SPRR2G: variants seen among roughly 807,000 people sequenced by gnomAD.
SPRR2G encodes small proline-rich protein 2G.
In SPRR2G, 1 loss-of-function variant was observed where a neutral mutation model predicts 0.7. The ratio of observed to expected loss-of-function variants is 1.49; its 90% CI spans 0.53 to 7.06. SPRR2G has a LOEUF of 7.06. Ranked by LOEUF, SPRR2G falls within the 30% of genes most tolerant of loss-of-function variation. SPRR2G has a pLI of 0.14. For missense variants in SPRR2G, 96 were observed against 88.5 expected (o/e 1.09, Z -0.34); for synonymous variants, 38 against 33.9 (o/e 1.12, Z -0.42).
the SPRR2G span, among the ~76,000 whole-genome samples, chr1:153,192,233 G>GC: frequency 6.6e-6 from 1 of 152,202 alleles, no homozygotes; most frequent in Non-Finnish European, 1.5e-5. Flanking sequence ...AGAAGGCAGA[G>GC]CAGAGGATGT....
At chr1:153,195,371 A>T in the SPRR2G span, among the ~76,000 whole-genome samples, 1 of 152,174 alleles carries the variant, frequency 6.6e-6, no homozygotes, top group Non-Finnish European at 1.5e-5. Context: ...CAAGGATTGG[A>T]CACGTGGGCC....
the SPRR2G span, among the ~76,000 whole-genome samples, chr1:153,163,878 C>T: frequency 3.3e-5 from 5 of 152,170 alleles, no homozygotes; most frequent in Non-Finnish European, 2.9e-5. Flanking sequence ...AACCTTGCTG[C>T]TCTTCTGGAG....
chr1:153,170,665 A>G, the SPRR2G span, among the ~76,000 whole-genome samples: 1,591 of 152,332 alleles, frequency 0.01, 32 homozygotes, highest in African/African-American at 0.036. Flanking sequence ...CATGGCTTCA[A>G]AAGAAAATAC....
At chr1:153,200,234 G>A in the SPRR2G span, among the ~76,000 whole-genome samples, 5 of 152,114 alleles carry the variant, frequency 3.3e-5, no homozygotes, top group African/African-American at 4.8e-5. Context: ...TACTGTGAAC[G>A]CCACCAGGAG....
chr1:153,195,703 A>T, the SPRR2G span, among the ~76,000 whole-genome samples: 16 of 152,092 alleles, frequency 1.1e-4, 1 homozygote, highest in South Asian at 3.3e-3. Flanking sequence ...TTTATTTATC[A>T]CCTCCTCTCC....
In SPRR2G at chr1:153,149,961, T is replaced by G; in HGVS notation, c.150A>C (p.Pro50=). ...GCACAGGAGGGCATTTATCCTGGCA[T>G]GGTGGAGGTGGGCAATGCTCAGGTG... ...PCPPEHCPPP[P]CQDKCPPVQP... The change falls in exon 2 of 2, where the codon CCA becomes CCC. Residue 50 remains proline, a synonymous_variant. Transcript: ENST00000368748. 6.2e-7 allele frequency: 1 copy of G among 1,613,990 alleles called. No individual in the cohort carries two copies. Among genetic ancestry groups the G allele is most frequent in the South Asian group, 1.1e-5 (1 of 91,076 alleles).
the SPRR2G span, among the ~76,000 whole-genome samples, chr1:153,166,857 G>A: frequency 1.4e-5 from 2 of 146,540 alleles, no homozygotes; most frequent in Admixed American, 7.0e-5. Context: ...TTAGGAAGTT[G>A]AGTATCACAG....
chr1:153,171,583 G>A, the SPRR2G span, among the ~76,000 whole-genome samples: 3 of 152,262 alleles, frequency 2.0e-5, no homozygotes, highest in South Asian at 6.2e-4. Flanking sequence ...TTCTTCAGCA[G>A]ATAATTGCTC....
At chr1:153,173,305 CTGCT>C in the SPRR2G span, among the ~76,000 whole-genome samples, 14 of 152,294 alleles carry the variant, frequency 9.2e-5, no homozygotes, top group East Asian at 2.7e-3. Flanking sequence ...TACTCCCTGG[CTGCT>C]CTTTCAGAGC....
chr1:153,171,232 C>T, the SPRR2G span, among the ~76,000 whole-genome samples: 5 of 152,164 alleles, frequency 3.3e-5, no homozygotes, highest in Non-Finnish European at 7.4e-5. Context: ...CCCTTCCTTC[C>T]TCCACCCTTT....
chr1:153,172,984 C>G, the SPRR2G span, among the ~76,000 whole-genome samples: 1 of 152,140 alleles, frequency 6.6e-6, no homozygotes, highest in Admixed American at 6.6e-5. Context: ...CTAGAATTAA[C>G]TTTGGAACTC....
At chr1:153,159,106 A>G in the SPRR2G span, among the ~76,000 whole-genome samples, 3 of 152,198 alleles carry the variant, frequency 2.0e-5, no homozygotes, top group African/African-American at 7.2e-5. Flanking sequence ...GGTGATTAAC[A>G]TTCCTTTCCT....
chr1:153,151,063 G>C (rs1656457749), upstream of SPRR2G, among the ~76,000 whole-genome samples: 1 of 152,254 alleles, frequency 6.6e-6, no homozygotes, highest in Non-Finnish European at 1.5e-5. Flanking sequence ...TAAGTGCACA[G>C]TGATTCACTT....
At chr1:153,165,966 G>T in the SPRR2G span, among the ~76,000 whole-genome samples, 4 of 152,288 alleles carry the variant, frequency 2.6e-5, no homozygotes, top group Non-Finnish European at 5.9e-5. Flanking sequence ...TTGGAATCAG[G>T]CTGAACCTCT....
At chr1:153,158,154 G>A in the SPRR2G span, among the ~76,000 whole-genome samples, 1 of 152,112 alleles carries the variant, frequency 6.6e-6, no homozygotes, top group East Asian at 1.9e-4. Context: ...GTCCCCCAAA[G>A]TCTTAACTCA....
the SPRR2G span, among the ~76,000 whole-genome samples, chr1:153,161,096 T>C: frequency 1.1e-5 from 1 of 90,778 alleles, no homozygotes; most frequent in South Asian, 4.6e-4. Context: ...TGTTGTGGGG[T>C]GGGGGGAGGG....
chr1:153,162,075 G>A, the SPRR2G span, among the ~76,000 whole-genome samples: 1 of 151,996 alleles, frequency 6.6e-6, no homozygotes, highest in Non-Finnish European at 1.5e-5. Flanking sequence ...CGTGTCATGG[G>A]GGTTTGTTGT....
chr1:153,183,074 T>C, the SPRR2G span, among the ~76,000 whole-genome samples: 1 of 151,300 alleles, frequency 6.6e-6, no homozygotes, highest in East Asian at 1.9e-4. Flanking sequence ...TTTTCTTTTT[T>C]TTTTTTGGGT....
the SPRR2G span, among the ~76,000 whole-genome samples, chr1:153,180,737 G>A: frequency 6.6e-6 from 1 of 152,240 alleles, no homozygotes; most frequent in African/African-American, 2.4e-5. Flanking sequence ...CATCAGCAGT[G>A]TGTGAAAGTT....
Sources: gnomAD v4.1 joint callset for allele counts (sites outside exome capture counted in the v4.1 genomes callset) on GRCh38, gnomAD v4.1.1 for gene constraint, MANE v1.5 for transcripts, NCBI Gene and HGNC (gene_info 2026-07-23, HGNC 2026-07-21) for gene names.